GPM6B: variants seen among roughly 807,000 people sequenced by gnomAD.
The protein encoded by GPM6B is glycoprotein M6B, also known as neuronal membrane glycoprotein M6-b.
In GPM6B, 4 loss-of-function variants were observed where a neutral mutation model predicts 27.2. The observed-to-expected ratio is 0.15, with a 90% CI of 0.07 to 0.34. The LOEUF (loss-of-function observed/expected upper bound fraction) is 0.34, where lower values mean the gene tolerates loss of function less well. Ranked by LOEUF, GPM6B falls within the 10% of genes least tolerant of loss-of-function variation. The probability of loss-of-function intolerance (pLI) is 1.00; values close to 1 mark genes in which losing one functional copy is unlikely to be tolerated. For missense variants in GPM6B, 183 were observed against 261.9 expected, an observed-to-expected ratio of 0.70 and a Z score of 2.08; for synonymous variants, 124 against 103.1, an observed-to-expected ratio of 1.20 and a Z score of -1.23.
intron 1 of GPM6B, among the ~76,000 whole-genome samples, chrX:13,837,192 A>G (rs2049505811): frequency 9.8e-6 from 1 of 101,827 alleles, no homozygotes; most frequent in Admixed American, 1.1e-4. Context: ...TTGAAGGGAT[A>G]TGTATCTAGA....
At chrX:13,824,265 T>C (rs12010160) in intron 1 of GPM6B, among the ~76,000 whole-genome samples, 5,677 of 112,239 alleles carry the variant, frequency 0.051, 174 homozygotes, top group East Asian at 0.15. Flanking sequence ...TTGAGAACCA[T>C]TGCCTTAGAG....
At chrX:13,855,162 G>A (rs1312670254) in intron 1 of GPM6B, among the ~76,000 whole-genome samples, 2 of 110,393 alleles carry the variant, frequency 1.8e-5, no homozygotes, top group Non-Finnish European at 3.8e-5. Context: ...GGCATTACAG[G>A]CACGTGCCAC....
intron 1 of GPM6B, among the ~76,000 whole-genome samples, chrX:13,842,600 C>T (rs1018436118): frequency 9.0e-6 from 1 of 111,155 alleles, no homozygotes; most frequent in Non-Finnish European, 1.9e-5. Context: ...AGATCTGTGG[C>T]CAGACCTGGT....
At chrX:13,792,076 G>T (rs1293627130) in intron 2 of GPM6B, among the ~76,000 whole-genome samples, 2 of 112,140 alleles carry the variant, frequency 1.8e-5, no homozygotes, top group African/African-American at 6.5e-5. Context: ...AAATGGAGAG[G>T]GCGAAAATCC....
upstream of GPM6B, among the ~76,000 whole-genome samples, chrX:13,819,469 C>A (rs1279053409): frequency 8.9e-6 from 1 of 112,198 alleles, no homozygotes; most frequent in Non-Finnish European, 1.9e-5. Context: ...TGCTCTAAGG[C>A]AGTCTGGTTG....
intron 1 of GPM6B, among the ~76,000 whole-genome samples, chrX:13,928,775 G>C (rs1172034412): frequency 8.9e-6 from 1 of 111,932 alleles, no homozygotes; most frequent in Admixed American, 9.5e-5. Context: ...AATATAGCAG[G>C]TTTTCTAGGC....
chrX:13,864,700 C>T (rs1314833495), intron 1 of GPM6B, among the ~76,000 whole-genome samples: 2 of 111,587 alleles, frequency 1.8e-5, no homozygotes, highest in Non-Finnish European at 3.8e-5. Flanking sequence ...ATGGGCATCA[C>T]CCTTCCCACA....
In GPM6B at chrX:13,799,048, T is replaced by C. The variant is rs368800486; in HGVS notation, c.181+8602A>G. ...TGAATGACTTGGTCTGGATGTGGCT[T>C]CGGAATTTTAAAAGACCTCCCCTTC... On this transcript the variant is annotated intron_variant, in intron 2 of 7. Coordinates refer to ENST00000316715, the MANE Select transcript of GPM6B (RefSeq NM_001001995.3). 1.6e-4 allele frequency among the ~76,000 whole-genome samples: 18 copies of C among 111,392 alleles called. No individual in the cohort carries two copies. The South Asian group carries it at 6.4e-3, about 40-fold the overall frequency.
chrX:13,823,789 C>T (rs755041445), intron 1 of GPM6B, among the ~76,000 whole-genome samples: 2 of 111,940 alleles, frequency 1.8e-5, no homozygotes, highest in South Asian at 3.7e-4. Flanking sequence ...CAAAGTGCTG[C>T]GATTAGGCAT....
At chrX:13,926,916 T>C (rs752755367) in intron 1 of GPM6B, among the ~76,000 whole-genome samples, 2 of 111,358 alleles carry the variant, frequency 1.8e-5, no homozygotes, top group East Asian at 2.8e-4. Context: ...AAGGAAAAGA[T>C]TGATAATTAG....
intron 1 of GPM6B, among the ~76,000 whole-genome samples, chrX:13,874,944 C>T (rs191125575): frequency 0.021 from 2,165 of 102,925 alleles, 64 homozygotes; most frequent in African/African-American, 0.076. Context: ...CAATCCCCCC[C>T]CCACCCCCGC....
chrX:13,815,026 T>C (rs16979260), intron 1 of GPM6B, among the ~76,000 whole-genome samples: 227 of 112,171 alleles, frequency 2.0e-3, no homozygotes, highest in African/African-American at 7.3e-3. Context: ...ATACGGGTTG[T>C]CAGGGATGTA....
rs188801374 is a variant in GPM6B, at chrX:13,783,250, C to T, written c.525+115G>A. The T allele has an allele frequency of 5.0e-6, 3 of 594,837 alleles. No homozygotes were observed. The East Asian group carries it at 1.1e-4, about 21-fold the overall frequency. The allele number at this position is 594,837 out of a possible 1,213,427, so 49.0% of individuals were successfully genotyped here. ...AAATTGGTAAAGCCAATATTTGTGT[C>T]ATGGACCCTCCATTCACGCTCGATA... On this transcript the variant is annotated intron_variant, in intron 4 of 7. Transcript: ENST00000316715.
At chrX:13,923,484 C>G (rs1921025129) in intron 1 of GPM6B, among the ~76,000 whole-genome samples, 1 of 112,548 alleles carries the variant, frequency 8.9e-6, no homozygotes, top group African/African-American at 3.2e-5. Context: ...GACAGCTGAA[C>G]AAACTGCTTT....
chrX:13,796,749 T>C (rs777633240), intron 2 of GPM6B, among the ~76,000 whole-genome samples: 1 of 112,719 alleles, frequency 8.9e-6, no homozygotes, highest in East Asian at 2.8e-4. Context: ...GTGAAAACAC[T>C]ATGGAAGTCT....
chrX:13,822,991 A>G (rs1466581803), intron 1 of GPM6B, among the ~76,000 whole-genome samples: 1 of 111,911 alleles, frequency 8.9e-6, no homozygotes, highest in Non-Finnish European at 1.9e-5. Flanking sequence ...AGCTTTATCA[A>G]TTTGGCAAAG....
chrX:13,907,353 G>A (rs1255009968), intron 1 of GPM6B, among the ~76,000 whole-genome samples: 3 of 112,307 alleles, frequency 2.7e-5, no homozygotes, highest in African/African-American at 9.7e-5. Context: ...ACCCAGGTTC[G>A]TCTGACTTTA....
intron 3 of GPM6B, among the ~76,000 whole-genome samples, chrX:13,785,130 C>G (rs1243780186): frequency 8.9e-6 from 1 of 111,793 alleles, no homozygotes; most frequent in Non-Finnish European, 1.9e-5. Flanking sequence ...GGGGCCTAAA[C>G]AGCTACCATA....
intron 2 of GPM6B, among the ~76,000 whole-genome samples, chrX:13,797,498 G>A (rs970369645): frequency 1.8e-5 from 2 of 111,138 alleles, no homozygotes; most frequent in African/African-American, 3.3e-5. Context: ...GGGTGTAGCC[G>A]AGTTCATCAA....
Sources: gnomAD v4.1 joint callset for allele counts (sites outside exome capture counted in the v4.1 genomes callset) on GRCh38, gnomAD v4.1.1 for gene constraint, MANE v1.5 for transcripts, NCBI Gene and HGNC (gene_info 2026-07-23, HGNC 2026-07-21) for gene names.